Variants in PIK3R1 observed in about 807,000 individuals in gnomAD.
PIK3R1 encodes phosphatidylinositol 3-kinase regulatory subunit alpha.
Under a neutral mutation model 98.0 loss-of-function variants are expected in PIK3R1, and 29 were observed. That is an observed-to-expected ratio of 0.30 (90% confidence interval 0.22 to 0.40). The LOEUF is 0.40. PIK3R1 is among the 10% of genes least tolerant of loss of function. The pLI, the probability that PIK3R1 is intolerant of heterozygous loss-of-function variation, is 1.00. For synonymous variants in PIK3R1, 282 were observed against 311.8 expected (o/e 0.90, Z 1.01); for missense variants, 596 against 872.7 (o/e 0.68, Z 3.99).
chr5:68,250,385 G>C lies in PIK3R1; in HGVS notation c.335-23005G>C, dbSNP rs1368117197. Among the ~76,000 whole-genome samples the C allele has an allele frequency of 3.3e-5, 5 of 152,204 alleles. No individual in the cohort carries two copies. In the South Asian group the frequency reaches 8.3e-4, roughly 25 times the overall value. On this transcript the variant is annotated intron_variant, in intron 2 of 15. Coordinates refer to ENST00000521381, the MANE Select transcript of PIK3R1 (RefSeq NM_181523.3). ...CCTTCCAGCCCTTTGCTTTTCCCCA[G>C]CTCCGTCAGCTCCTTGCCTCTGACA...
chr5:68,255,805 C>T (rs1340933293), intron 2 of PIK3R1, among the ~76,000 whole-genome samples: 2 of 152,198 alleles, frequency 1.3e-5, no homozygotes, highest in Non-Finnish European at 1.5e-5. Context: ...TTCTTGTTGT[C>T]ATTTGGAAAA....
intron 1 of PIK3R1, chr5:68,217,653 T>TGTGTGTGTGTGTGCGCGCGCGCGC (rs1386976488): frequency 3.3e-5 from 5 of 149,292 alleles, no homozygotes; most frequent in African/African-American, 1.2e-4. Flanking sequence ...TGTGTGTGTG[T>TGTGTGTGTGTGTGCGCGCGCGCGC]GCGCGCGCGT....
chr5:68,284,341 C>T (rs529395382), intron 7 of PIK3R1, among the ~76,000 whole-genome samples: 41 of 152,300 alleles, frequency 2.7e-4, no homozygotes, highest in Admixed American at 2.0e-3. Flanking sequence ...GCTACGGCCT[C>T]TAGGAGCCTG....
At chr5:68,273,756 G>C in intron 3 of PIK3R1, 183 bp from the exon 4 acceptor site, 1 of 633,948 alleles carries the variant, frequency 1.6e-6, no homozygotes, top group Middle Eastern at 4.4e-4. Context: ...GAGGCCAGAT[G>C]GTTTTGCCAA....
chr5:68,234,597 T>C (rs1744598373), intron 2 of PIK3R1, among the ~76,000 whole-genome samples: 1 of 152,234 alleles, frequency 6.6e-6, no homozygotes, highest in Admixed American at 6.5e-5. Context: ...CAGTTAGCAA[T>C]TGCTGGTATC....
At chr5:68,232,162 T>A (rs1744501371) in intron 2 of PIK3R1, among the ~76,000 whole-genome samples, 1 of 152,212 alleles carries the variant, frequency 6.6e-6, no homozygotes, top group Non-Finnish European at 1.5e-5. Context: ...CCTAACCACT[T>A]AGGGTCACAG....
At chr5:68,295,548 GA>G in intron 14 of PIK3R1, 60 bp downstream of exon 14, 1 of 1,389,438 alleles carries the variant, frequency 7.2e-7, no homozygotes, top group Non-Finnish European at 1.0e-6. Context: ...GAAAATGCAT[GA>G]CTTGCTTTGT....
At chr5:68,236,417 T>A (rs1744673042) in intron 2 of PIK3R1, among the ~76,000 whole-genome samples, 1 of 148,662 alleles carries the variant, frequency 6.7e-6, no homozygotes. Flanking sequence ...GCCCGTCTAA[T>A]TTTTTGTATT....
chr5:68,220,449 G>A (rs1744054147), intron 1 of PIK3R1, among the ~76,000 whole-genome samples: 1 of 152,148 alleles, frequency 6.6e-6, no homozygotes, highest in African/African-American at 2.4e-5. Flanking sequence ...GGTCCCAGAA[G>A]CTACGTCACC....
At chr5:68,262,593 C>CATGTATACACATGTATACACATGTAGA (rs1745828163) in intron 2 of PIK3R1, among the ~76,000 whole-genome samples, 6 of 129,542 alleles carry the variant, frequency 4.6e-5, no homozygotes, top group Admixed American at 7.2e-5. Flanking sequence ...ACACATGTAT[C>CATGTATACACATGTATACACATGTAGA]TGCATGTATA....
In PIK3R1 at chr5:68,301,440, GTA is replaced by G. The variant is rs367780084; in HGVS notation, c.*3853_*3854del. 3,719 of 98,816 alleles carry G rather than the reference GTA, an allele frequency of 0.038. 153 individuals are homozygous for G. Among genetic ancestry groups the G allele is most frequent in the Non-Finnish European group, 0.046 (2,395 of 51,944 alleles). The allele number at this position is 98,816 out of a possible 1,614,324, so 6.1% of individuals were successfully genotyped here. A position where few individuals can be genotyped will look rare whatever the true frequency, so the allele number is the denominator to read the frequency against. ...TATATATATATATATATATGTGTGT[GTA>G]TATATATATATATGTGTATATATAT... On this transcript the variant is annotated 3_prime_UTR_variant, in exon 16 of 16. Coordinates refer to ENST00000521381, the MANE Select transcript of PIK3R1 (RefSeq NM_181523.3).
intron 2 of PIK3R1, among the ~76,000 whole-genome samples, chr5:68,228,201 T>C (rs780785587): frequency 5.9e-5 from 9 of 152,196 alleles, no homozygotes; most frequent in Non-Finnish European, 1.2e-4. Flanking sequence ...ATACCACTAG[T>C]AAGCTATTAT....
At chr5:68,233,293 G>A (rs911329030) in intron 2 of PIK3R1, among the ~76,000 whole-genome samples, 2 of 152,210 alleles carry the variant, frequency 1.3e-5, no homozygotes, top group African/African-American at 4.8e-5. Context: ...GATTTCCATG[G>A]GGAAGGATGT....
intron 2 of PIK3R1, among the ~76,000 whole-genome samples, chr5:68,267,287 G>C (rs970358160): frequency 2.6e-5 from 4 of 152,128 alleles, no homozygotes; most frequent in African/African-American, 9.7e-5. Context: ...AGCTAAGCCC[G>C]TCAGAAACAA....
intron 1 of PIK3R1, among the ~76,000 whole-genome samples, chr5:68,220,559 A>G (rs1215054375): frequency 6.6e-6 from 1 of 152,016 alleles, no homozygotes; most frequent in Non-Finnish European, 1.5e-5. Context: ...CCTTCCCCTC[A>G]TGTTGGCTGC....
chr5:68,256,518 C>A (rs1333394802), intron 2 of PIK3R1, among the ~76,000 whole-genome samples: 1 of 152,172 alleles, frequency 6.6e-6, no homozygotes, highest in Non-Finnish European at 1.5e-5. Flanking sequence ...GTGTGAGCCA[C>A]CGCACCCAGC....
intron 2 of PIK3R1, among the ~76,000 whole-genome samples, chr5:68,229,864 TC>T (rs1228858583): frequency 6.6e-6 from 1 of 152,240 alleles, no homozygotes; most frequent in Non-Finnish European, 1.5e-5. Flanking sequence ...TGTACTTTCT[TC>T]CAATACATTT....
chr5:68,252,277 C>G (rs1745341506), intron 2 of PIK3R1, among the ~76,000 whole-genome samples: 1 of 151,848 alleles, frequency 6.6e-6, no homozygotes, highest in African/African-American at 2.4e-5. Flanking sequence ...CTACATGTGT[C>G]TTTCATTACT....
At chr5:68,281,488 C>T (rs1386791166) in intron 7 of PIK3R1, among the ~76,000 whole-genome samples, 3 of 152,136 alleles carry the variant, frequency 2.0e-5, no homozygotes, top group Admixed American at 6.5e-5. Flanking sequence ...GCAGCAAGTT[C>T]GAGCAAGCCA....
Sources: allele counts gnomAD v4.1 joint callset (sites outside exome capture counted in the v4.1 genomes callset), GRCh38; gene constraint gnomAD v4.1.1; transcripts MANE v1.5; gene names NCBI Gene and HGNC (gene_info 2026-07-23, HGNC 2026-07-21).